FLT1: variants seen among roughly 807,000 people sequenced by gnomAD.
FLT1 encodes the protein vascular endothelial growth factor receptor 1.
In FLT1, 49 loss-of-function variants were observed where a neutral mutation model predicts 156.3. That is an observed-to-expected ratio of 0.31 (90% CI 0.25 to 0.40). The LOEUF (loss-of-function observed/expected upper bound fraction) is 0.40, where lower values mean the gene tolerates loss of function less well. FLT1 is among the 10% of genes least tolerant of loss of function. The pLI, the probability that FLT1 is intolerant of heterozygous loss-of-function variation, is 1.00. For missense variants in FLT1, 1,322 were observed against 1,637.2 expected (o/e 0.81, Z 3.32); for synonymous variants, 594 against 583.8 (o/e 1.02, Z -0.25).
rs539966026 is a variant in FLT1, at chr13:28,494,756, C to G, written c.64+24G>C. On this transcript the variant is annotated intron_variant, in intron 1 of 29. Transcript: ENST00000282397. The stretch of plus-strand genomic sequence containing the variant: ...CCGCCCCATCGCAGCCCGCCTCAGG[C>G]CCCGGCCCCCAGCCGCGCCTCACCT... The G allele has an allele frequency of 4.2e-5, 65 of 1,540,550 alleles. No individual in the cohort carries two copies. In the African/African-American group the frequency reaches 8.7e-4, roughly 21 times the overall value.
At chr13:28,471,407 T>A (rs1452545484) in intron 1 of FLT1, among the ~76,000 whole-genome samples, 1 of 152,224 alleles carries the variant, frequency 6.6e-6, no homozygotes, top group Non-Finnish European at 1.5e-5. Context: ...ATGTTTTGAA[T>A]TCACATTATT....
chr13:28,375,493 C>T (rs1406392218), intron 14 of FLT1, among the ~76,000 whole-genome samples: 8 of 151,988 alleles, frequency 5.3e-5, no homozygotes, highest in African/African-American at 1.5e-4. Flanking sequence ...GGTTAGTTTT[C>T]GCATGCTGTT....
chr13:28,384,403 G>A (rs1337411410), intron 14 of FLT1, among the ~76,000 whole-genome samples: 1 of 148,320 alleles, frequency 6.7e-6, no homozygotes, highest in Non-Finnish European at 1.5e-5. Context: ...GAGCCAAGAT[G>A]GTGTCACTGT....
rs189847368 is a variant in FLT1, at chr13:28,425,956, T to A, written c.1436+1203A>T. 2.0e-5 allele frequency among the ~76,000 whole-genome samples: 3 copies of A among 152,264 alleles called. No homozygotes were observed. In the East Asian group the frequency reaches 5.8e-4, roughly 29 times the overall value. On this transcript the variant is annotated intron_variant, in intron 10 of 29. Transcript: ENST00000282397. ...AATGACAGTCAAATGAGAAATCAGA[T>A]GTGTGGAAAACAGCTACTTCCCAGG... is the stretch of plus-strand genomic sequence containing the variant.
intron 12 of FLT1, 60 bp downstream of exon 12, chr13:28,396,900 C>G: frequency 9.9e-7 from 1 of 1,013,004 alleles, no homozygotes; most frequent in Non-Finnish European, 1.6e-6. Context: ...TAAAAGCAAA[C>G]AAGACTGAAG....
intron 24 of FLT1, among the ~76,000 whole-genome samples, chr13:28,318,666 C>T (rs1179716938): frequency 1.3e-5 from 2 of 151,914 alleles, no homozygotes; most frequent in Non-Finnish European, 2.9e-5. Context: ...GAATGATTTT[C>T]ACACATTACA....
chr13:28,300,855 C>G lies in FLT1; in HGVS notation c.*2312G>C, dbSNP rs1870485347. Reference sequence around the variant, plus strand: ...AAATGGCAAATGATTGGAATATTATCAGTTAATTCATGTTTCAATTTTCAG... The same window carrying G: ...AAATGGCAAATGATTGGAATATTATGAGTTAATTCATGTTTCAATTTTCAG... On this transcript the variant is annotated 3_prime_UTR_variant, in exon 30 of 30. Coordinates refer to ENST00000282397, the MANE Select transcript of FLT1 (RefSeq NM_002019.4). The G allele has an allele frequency of 4.3e-6, 1 of 233,062 alleles. No homozygotes were observed. Among genetic ancestry groups the G allele is most frequent in the South Asian group, 1.8e-4 (1 of 5,518 alleles). 14.4% of individuals were successfully genotyped at this position (233,062 alleles called of 1,614,324 possible). A position where few individuals can be genotyped will look rare whatever the true frequency, so the allele number is the denominator to read the frequency against.
intron 13 of FLT1, chr13:28,385,540 C>T: frequency 9.9e-7 from 1 of 1,012,188 alleles, no homozygotes; most frequent in Non-Finnish European, 1.2e-6. Flanking sequence ...GCAGACCAAA[C>T]AGGAGAATTT....
chr13:28,470,236 C>T (rs1034310041), intron 1 of FLT1, among the ~76,000 whole-genome samples: 1 of 152,206 alleles, frequency 6.6e-6, no homozygotes, highest in African/African-American at 2.4e-5. Context: ...TCATACTTAT[C>T]TTTATGAGTT....
At chr13:28,327,941 G>T (rs1413463879) in intron 19 of FLT1, among the ~76,000 whole-genome samples, 1 of 152,130 alleles carries the variant, frequency 6.6e-6, no homozygotes, top group Non-Finnish European at 1.5e-5. Context: ...GAACTATTAA[G>T]CAGCTCCTCC....
intron 17 of FLT1, among the ~76,000 whole-genome samples, chr13:28,335,328 C>T (rs952853043): frequency 6.6e-6 from 1 of 152,252 alleles, no homozygotes; most frequent in Non-Finnish European, 1.5e-5. Flanking sequence ...CACAACCCCT[C>T]CTTTCCCAAC....
At chr13:28,453,952 G>T (rs1879121937) in intron 3 of FLT1, among the ~76,000 whole-genome samples, 1 of 152,074 alleles carries the variant, frequency 6.6e-6, no homozygotes, top group South Asian at 2.1e-4. Flanking sequence ...GTTTGGGGGT[G>T]CCTAGGGTGC....
chr13:28,442,070 G>A (rs1593797025), intron 3 of FLT1, among the ~76,000 whole-genome samples: 1 of 152,152 alleles, frequency 6.6e-6, no homozygotes, highest in Admixed American at 6.5e-5. Context: ...CTCAGTGGGT[G>A]TAGTAACATA....
At chr13:28,409,460 G>T (rs199831031) in intron 10 of FLT1, among the ~76,000 whole-genome samples, 8 of 151,386 alleles carry the variant, frequency 5.3e-5, no homozygotes, top group African/African-American at 1.9e-4. Context: ...TCAGCCTTCC[G>T]AGTAGCTGGG....
At chr13:28,402,780 C>T (rs900721666) in intron 11 of FLT1, among the ~76,000 whole-genome samples, 3 of 151,942 alleles carry the variant, frequency 2.0e-5, no homozygotes, top group East Asian at 1.9e-4. Flanking sequence ...CGTTACGTTA[C>T]GTTATGTTAT....
chr13:28,363,329 G>A (rs912401218), intron 14 of FLT1, among the ~76,000 whole-genome samples: 1 of 152,074 alleles, frequency 6.6e-6, no homozygotes, highest in African/African-American at 2.4e-5. Flanking sequence ...TGCCATATTT[G>A]CTTTAGGCAG....
intron 28 of FLT1, 61 bp downstream of exon 28, chr13:28,308,782 G>T: frequency 2.0e-6 from 2 of 1,015,728 alleles, no homozygotes; most frequent in Non-Finnish European, 3.2e-6. Context: ...GTTGGTGTTT[G>T]GAAGGGATCT....
chr13:28,466,615 C>T (rs541816578), intron 3 of FLT1: 108 of 429,454 alleles, frequency 2.5e-4, no homozygotes, highest in Non-Finnish European at 4.1e-4. Flanking sequence ...TCCTTTTATT[C>T]ACTTATTCAT....
chr13:28,435,128 A>G (rs1379304832), intron 4 of FLT1, among the ~76,000 whole-genome samples: 3 of 152,214 alleles, frequency 2.0e-5, no homozygotes, highest in African/African-American at 7.2e-5. Context: ...CAAGGAAGGC[A>G]TCAGCTCTGC....
Sources: allele counts gnomAD v4.1 joint callset (sites outside exome capture counted in the v4.1 genomes callset), GRCh38; gene constraint gnomAD v4.1.1; transcripts MANE v1.5; gene names NCBI Gene and HGNC (gene_info 2026-07-23, HGNC 2026-07-21).